Variants in PDE8B observed in about 807,000 individuals in gnomAD.
PDE8B encodes phosphodiesterase 8B.
PDE8B carries 26 observed loss-of-function variants against 101.3 expected under a neutral mutation model. The ratio of observed to expected loss-of-function variants is 0.26; its 90% confidence interval spans 0.19 to 0.36. The LOEUF is 0.36. Among genes scored for constraint, PDE8B ranks in the 10% least tolerant of loss-of-function variants. The pLI, the probability that PDE8B is intolerant of heterozygous loss-of-function variation, is 1.00. For missense variants in PDE8B, 810 were observed against 1,163.1 expected, an observed-to-expected ratio of 0.70 and a Z score of 4.42; for synonymous variants, 424 against 429.3, an observed-to-expected ratio of 0.99 and a Z score of 0.15.
intron 8 of PDE8B, among the ~76,000 whole-genome samples, chr5:77,349,846 G>A (rs1029199245): frequency 3.3e-5 from 5 of 152,172 alleles, no homozygotes; most frequent in African/African-American, 1.2e-4. Context: ...GTATCTCTGA[G>A]CAGAGTTCCA....
intron 1 of PDE8B, among the ~76,000 whole-genome samples, chr5:77,305,148 A>G (rs1260651541): frequency 6.6e-6 from 1 of 152,186 alleles, no homozygotes; most frequent in Non-Finnish European, 1.5e-5. Context: ...AGGAGATAAA[A>G]AGTTGAAGAC....
chr5:77,169,319 C>T, the PDE8B span, among the ~76,000 whole-genome samples: 1 of 152,186 alleles, frequency 6.6e-6, no homozygotes, highest in Admixed American at 6.5e-5. Flanking sequence ...TGTAGAGCTA[C>T]AGTTCACATA....
the PDE8B span, among the ~76,000 whole-genome samples, chr5:77,181,511 A>G: frequency 5.3e-5 from 8 of 152,206 alleles, no homozygotes; most frequent in African/African-American, 7.2e-5. Context: ...TGAACCGTCC[A>G]CAGGCTCCTC....
intron 10 of PDE8B, among the ~76,000 whole-genome samples, chr5:77,383,620 C>G (rs564805840): frequency 6.6e-6 from 1 of 152,302 alleles, no homozygotes; most frequent in African/African-American, 2.4e-5. Flanking sequence ...CTAGGTCTTA[C>G]ATTTAAGTCT....
At chr5:77,307,463 G>A (rs1319405858) in intron 1 of PDE8B, among the ~76,000 whole-genome samples, 1 of 152,194 alleles carries the variant, frequency 6.6e-6, no homozygotes, top group Non-Finnish European at 1.5e-5. Flanking sequence ...AACAAAGACT[G>A]AGTGACTTTG....
chr5:77,117,392 T>A, the PDE8B span, among the ~76,000 whole-genome samples: 1 of 151,988 alleles, frequency 6.6e-6, no homozygotes, highest in Non-Finnish European at 1.5e-5. Context: ...GGAACCTAGG[T>A]TTTATGTGAA....
At chr5:77,184,732 C>T in the PDE8B span, among the ~76,000 whole-genome samples, 1 of 151,948 alleles carries the variant, frequency 6.6e-6, no homozygotes, top group East Asian at 1.9e-4. Flanking sequence ...ATAATCCCAG[C>T]ACTTTAGGGG....
intron 10 of PDE8B, among the ~76,000 whole-genome samples, chr5:77,389,185 AG>A (rs35028488): frequency 3.3e-5 from 5 of 152,244 alleles, no homozygotes; most frequent in African/African-American, 1.2e-4. Flanking sequence ...CTTGAAACCC[AG>A]GGTCCTGGTG....
chr5:77,344,351 G>A (rs112421715), intron 6 of PDE8B, among the ~76,000 whole-genome samples: 4 of 152,314 alleles, frequency 2.6e-5, no homozygotes, highest in African/African-American at 9.6e-5. Context: ...TTATAATCTC[G>A]CAGGACCACC....
intron 18 of PDE8B, among the ~76,000 whole-genome samples, chr5:77,418,670 A>G (rs979491263): frequency 1.3e-5 from 2 of 152,238 alleles, no homozygotes; most frequent in Non-Finnish European, 2.9e-5. Flanking sequence ...ACACTGCAGA[A>G]CACTACATAA....
intron 1 of PDE8B, among the ~76,000 whole-genome samples, chr5:77,280,032 A>G (rs116242713): frequency 0.015 from 2,346 of 152,298 alleles, 47 homozygotes; most frequent in African/African-American, 0.053. Flanking sequence ...GACGCCCAGC[A>G]TACACCCCAC....
intron 10 of PDE8B, among the ~76,000 whole-genome samples, chr5:77,398,002 C>T (rs1791433984): frequency 6.6e-6 from 1 of 152,028 alleles, no homozygotes; most frequent in African/African-American, 2.4e-5. Flanking sequence ...GCTTACTACC[C>T]TTGGGTTTCA....
chr5:77,408,829 A>G (rs1794001669), intron 13 of PDE8B, 64 bp from the exon 14 acceptor site: 1 of 1,278,928 alleles, frequency 7.8e-7, no homozygotes, highest in South Asian at 1.2e-5. Flanking sequence ...TTCTGGGCAT[A>G]TATATGACTT....
At chr5:77,389,023 CCCGCTGAGCCAGA>C (rs1789336813) in intron 10 of PDE8B, among the ~76,000 whole-genome samples, 1 of 152,118 alleles carries the variant, frequency 6.6e-6, no homozygotes, top group African/African-American at 2.4e-5. Flanking sequence ...GGAGGTGGGA[CCCGCTGAGCCAGA>C]CCACTTGGCT....
intron 20 of PDE8B, among the ~76,000 whole-genome samples, chr5:77,423,622 GTTTTGTTTAGTTTTTTT>G (rs1188818451): frequency 9.7e-5 from 5 of 51,798 alleles, no homozygotes; most frequent in African/African-American, 2.6e-4. Context: ...CTGGACTTTT[GTTTTGTTTAGTTTTTTT>G]TTTTTTTTTT....
the PDE8B span, among the ~76,000 whole-genome samples, chr5:77,160,730 A>G: frequency 6.6e-6 from 1 of 152,152 alleles, no homozygotes. Context: ...GGCTCACTGC[A>G]GCCTCAACCT....
In PDE8B at chr5:77,413,114, A is replaced by G; in HGVS notation, c.1716A>G (p.Pro572=). The change falls in exon 17 of 22, where the codon CCA becomes CCG. Residue 572 remains proline, a synonymous_variant. Transcript: ENST00000264917. ...GGTGGGTTTTCCTATTTTTCAGGCCATTGGTTTATCTGGGCTTAAAGGTCT... is the reference window on the plus strand; with the variant it reads ...GGTGGGTTTTCCTATTTTTCAGGCCGTTGGTTTATCTGGGCTTAAAGGTCT... ...FELEAITHKR[P]LVYLGLKVFS... 1 of 1,613,746 alleles carries G rather than the reference A, an allele frequency of 6.2e-7. No individual in the cohort carries two copies. Among genetic ancestry groups the G allele is most frequent in the Non-Finnish European group, 8.5e-7 (1 of 1,179,750 alleles).
the PDE8B span, among the ~76,000 whole-genome samples, chr5:77,120,260 A>T: frequency 1.3e-5 from 2 of 152,354 alleles, no homozygotes; most frequent in South Asian, 4.1e-4. Flanking sequence ...ATCTGTGCAG[A>T]TGTGGGCGTA....
At chr5:77,103,922 A>G in the PDE8B span, among the ~76,000 whole-genome samples, 3 of 152,200 alleles carry the variant, frequency 2.0e-5, no homozygotes, top group Non-Finnish European at 4.4e-5. Flanking sequence ...AAGCTTCCAC[A>G]CTAGTGTTTT....
Sources: gnomAD v4.1 joint callset for allele counts (sites outside exome capture counted in the v4.1 genomes callset) on GRCh38, gnomAD v4.1.1 for gene constraint, MANE v1.5 for transcripts, NCBI Gene and HGNC (gene_info 2026-07-23, HGNC 2026-07-21) for gene names.